Variants in IL1RAPL2 observed in about 807,000 individuals in gnomAD.
The protein encoded by IL1RAPL2 is interleukin 1 receptor accessory protein like 2, also known as X-linked interleukin-1 receptor accessory protein-like 2.
Under a neutral mutation model 44.1 loss-of-function variants are expected in IL1RAPL2, and 3 were observed. The observed-to-expected ratio is 0.07, with a 90% CI of 0.03 to 0.18. The LOEUF (loss-of-function observed/expected upper bound fraction) is 0.18. Among genes scored for constraint, IL1RAPL2 ranks in the 10% least tolerant of loss-of-function variants. The pLI, the probability that IL1RAPL2 is intolerant of heterozygous loss-of-function variation, is 1.00. For missense variants in IL1RAPL2, 391 were observed against 496.4 expected, an observed-to-expected ratio of 0.79 and a Z score of 2.02; for synonymous variants, 181 against 178.8, an observed-to-expected ratio of 1.01 and a Z score of -0.10.
chrX:105,592,596 C>G (rs1210858061), intron 6 of IL1RAPL2, among the ~76,000 whole-genome samples: 2 of 111,745 alleles, frequency 1.8e-5, no homozygotes, highest in African/African-American at 6.5e-5. Context: ...CTAGCACTCC[C>G]TTAAAGATCT....
chrX:105,230,917 A>G (rs2034064047), intron 3 of IL1RAPL2, among the ~76,000 whole-genome samples: 1 of 111,891 alleles, frequency 8.9e-6, no homozygotes, highest in South Asian at 3.7e-4. Flanking sequence ...ACTTTAGTCT[A>G]CCCTATTTTC....
chrX:105,263,513 T>G (rs1423365896), intron 4 of IL1RAPL2, among the ~76,000 whole-genome samples: 1 of 111,732 alleles, frequency 8.9e-6, no homozygotes, highest in Non-Finnish European at 1.9e-5. Flanking sequence ...AAGTAGACTA[T>G]GAATACAGTG....
intron 1 of IL1RAPL2, among the ~76,000 whole-genome samples, chrX:104,578,282 G>A (rs1363140350): frequency 8.9e-6 from 1 of 112,057 alleles, no homozygotes; most frequent in Non-Finnish European, 1.9e-5. Flanking sequence ...CAATGATAGG[G>A]GCATGTGAAA....
intron 2 of IL1RAPL2, among the ~76,000 whole-genome samples, chrX:104,949,283 A>T (rs1005737886): frequency 9.1e-6 from 1 of 110,305 alleles, no homozygotes; most frequent in Non-Finnish European, 1.9e-5. Context: ...ATCATTTTTT[A>T]TTGCATGTCT....
chrX:105,348,979 C>T (rs1003162854), intron 5 of IL1RAPL2, among the ~76,000 whole-genome samples: 1 of 111,884 alleles, frequency 8.9e-6, no homozygotes, highest in Non-Finnish European at 1.9e-5. Context: ...CTGTGAGGGT[C>T]AATTTCTGTG....
intron 3 of IL1RAPL2, among the ~76,000 whole-genome samples, chrX:105,218,460 G>A (rs781890383): frequency 9.0e-6 from 1 of 111,291 alleles, no homozygotes; most frequent in South Asian, 3.9e-4. Flanking sequence ...TGTCTAGCAT[G>A]AAAAATCCAT....
In IL1RAPL2 at chrX:104,567,035, C is replaced by T. The variant is rs986746827; in HGVS notation, c.-36C>T. On this transcript the variant is annotated 5_prime_UTR_variant, in exon 1 of 11. Coordinates refer to ENST00000372582, the MANE Select transcript of IL1RAPL2 (RefSeq NM_017416.2). ...GAGACCTGCTGGACGTTTTGCTGGC[C>T]GTTTTGCAAGACTCAGGTAATGTCC... The T allele has an allele frequency of 3.6e-5, 4 of 112,503 alleles. No individual in the cohort carries two copies. Among genetic ancestry groups the T allele is most frequent in the African/African-American group, 9.7e-5 (3 of 30,996 alleles). The allele number at this position is 112,503 out of a possible 1,213,427, so 9.3% of individuals were successfully genotyped here. A position where few individuals can be genotyped will look rare whatever the true frequency, so the allele number is the denominator to read the frequency against.
intron 2 of IL1RAPL2, among the ~76,000 whole-genome samples, chrX:104,902,044 G>C (rs1433025830): frequency 8.9e-6 from 1 of 111,947 alleles, no homozygotes; most frequent in East Asian, 2.8e-4. Context: ...TTTAAAAACA[G>C]TTATTAGCTG....
intron 1 of IL1RAPL2, among the ~76,000 whole-genome samples, chrX:104,654,161 T>C (rs1267661542): frequency 2.7e-5 from 3 of 111,290 alleles, no homozygotes; most frequent in Non-Finnish European, 5.7e-5. Context: ...TTTTCAGTTA[T>C]TTTTGATTTT....
At chrX:105,417,447 T>C (rs773173008) in intron 5 of IL1RAPL2, among the ~76,000 whole-genome samples, 3 of 113,061 alleles carry the variant, frequency 2.7e-5, no homozygotes, top group Admixed American at 9.3e-5. Flanking sequence ...CACTTCAGCC[T>C]GGGCAACAGA....
chrX:105,340,760 C>G (rs1218720673), intron 5 of IL1RAPL2, among the ~76,000 whole-genome samples: 1 of 112,200 alleles, frequency 8.9e-6, no homozygotes, highest in Non-Finnish European at 1.9e-5. Flanking sequence ...CTCCCACCTC[C>G]CCATACTCTC....
intron 1 of IL1RAPL2, among the ~76,000 whole-genome samples, chrX:104,623,467 G>A (rs1240808459): frequency 1.8e-5 from 2 of 110,653 alleles, no homozygotes; most frequent in East Asian, 5.8e-4. Flanking sequence ...TGTGTTGAAT[G>A]ACATAACATT....
chrX:104,798,526 C>T (rs994780754), intron 2 of IL1RAPL2, among the ~76,000 whole-genome samples: 1 of 109,460 alleles, frequency 9.1e-6, no homozygotes, highest in Non-Finnish European at 1.9e-5. Flanking sequence ...ATTAGCCAGG[C>T]GTGGTGGCAG....
intron 6 of IL1RAPL2, among the ~76,000 whole-genome samples, chrX:105,530,946 A>C (rs1269940781): frequency 9.0e-6 from 1 of 111,428 alleles, no homozygotes; most frequent in Admixed American, 9.5e-5. Flanking sequence ...ATAGTTCTCT[A>C]TTGTTTATAT....
chrX:104,570,220 A>C (rs1052990181), intron 1 of IL1RAPL2, among the ~76,000 whole-genome samples: 1 of 112,204 alleles, frequency 8.9e-6, no homozygotes, highest in African/African-American at 3.2e-5. Flanking sequence ...ATCTCTGAGA[A>C]CTGTCCCTTG....
intron 2 of IL1RAPL2, among the ~76,000 whole-genome samples, chrX:104,942,150 T>C (rs1445027858): frequency 8.9e-6 from 1 of 112,056 alleles, no homozygotes; most frequent in Non-Finnish European, 1.9e-5. Context: ...TCCAGCTTTG[T>C]TCTTTTGGCT....
At chrX:105,589,205 A>C (rs930074644) in intron 6 of IL1RAPL2, among the ~76,000 whole-genome samples, 11 of 111,714 alleles carry the variant, frequency 9.8e-5, no homozygotes, top group Non-Finnish European at 2.1e-4. Flanking sequence ...GTATCTGTTC[A>C]TGTCCTTTGC....
intron 6 of IL1RAPL2, among the ~76,000 whole-genome samples, chrX:105,545,236 G>A (rs1310162830): frequency 8.9e-6 from 1 of 111,972 alleles, no homozygotes; most frequent in African/African-American, 3.2e-5. Flanking sequence ...TTTCTTAGAA[G>A]GTAGATTTGC....
intron 2 of IL1RAPL2, among the ~76,000 whole-genome samples, chrX:105,074,381 G>C (rs757911242): frequency 7.0e-4 from 78 of 111,275 alleles, no homozygotes; most frequent in African/African-American, 2.5e-3. Context: ...TGAGGGCTCT[G>C]TTCTGTTCCA....
Sources: gnomAD v4.1 joint callset for allele counts (sites outside exome capture counted in the v4.1 genomes callset) on GRCh38, gnomAD v4.1.1 for gene constraint, MANE v1.5 for transcripts, NCBI Gene and HGNC (gene_info 2026-07-23, HGNC 2026-07-21) for gene names.